Variants in HLA-DRB5 observed in about 807,000 individuals in gnomAD.
The protein encoded by HLA-DRB5 is DR beta-5.
A neutral mutation model predicts 22.4 loss-of-function variants in HLA-DRB5; 11 were observed. The observed-to-expected ratio is 0.49, with a 90% CI of 0.31 to 0.81. The LOEUF (loss-of-function observed/expected upper bound fraction) is 0.81, where lower values mean the gene tolerates loss of function less well. Among genes scored for constraint, HLA-DRB5 ranks in the 40% least tolerant of loss-of-function variants. HLA-DRB5 has a pLI of 0.05. For missense variants in HLA-DRB5, 106 were observed against 274.4 expected (o/e 0.39, Z 4.34); for synonymous variants, 57 against 106.0 (o/e 0.54, Z 2.84).
chr6:32,524,518 G>T (rs181695473), intron 1 of HLA-DRB5, among the ~76,000 whole-genome samples: 1,592 of 85,164 alleles, frequency 0.019, 16 homozygotes, highest in South Asian at 0.037. Flanking sequence ...AGTCCCCTCA[G>T]AAAGTCAGAA....
intron 3 of HLA-DRB5, among the ~76,000 whole-genome samples, chr6:32,519,013 A>G (rs113548739): frequency 0.062 from 4,455 of 72,380 alleles, no homozygotes; most frequent in Non-Finnish European, 0.074. Flanking sequence ...AGGCCCCTAC[A>G]CTTCTCCTCT....
At chr6:32,519,966 C>T (rs73726163) in intron 2 of HLA-DRB5, among the ~76,000 whole-genome samples, 19,526 of 42,728 alleles carry the variant, frequency 0.46, 7,180 homozygotes, top group Middle Eastern at 0.7. Context: ...GGTTGCCTGG[C>T]TCAAATCCAA....
chr6:32,528,960 C>G (rs111627320), intron 1 of HLA-DRB5, among the ~76,000 whole-genome samples: 15,152 of 119,938 alleles, frequency 0.13, 831 homozygotes, highest in East Asian at 0.18. Context: ...AAAAAATTAT[C>G]TCTTTCAATG....
At chr6:32,529,192 G>GAACAA (rs1770016253) in intron 1 of HLA-DRB5, among the ~76,000 whole-genome samples, 1 of 124,766 alleles carries the variant, frequency 8.0e-6, no homozygotes, top group African/African-American at 2.9e-5. Context: ...CCTATGAGAT[G>GAACAA]TGAACAATGT....
chr6:32,522,311 C>T (rs1451331332), intron 1 of HLA-DRB5, 137 bp from the exon 2 acceptor site: 535 of 200,206 alleles, frequency 2.7e-3, no homozygotes, highest in South Asian at 6.0e-3. Flanking sequence ...CCCGACCACG[C>T]GCAGCCCAGA....
chr6:32,522,970 T>A (rs796490773), intron 1 of HLA-DRB5, among the ~76,000 whole-genome samples: 9,786 of 115,600 alleles, frequency 0.085, 137 homozygotes, highest in East Asian at 0.12. Context: ...GATGAACTTC[T>A]TCAAGAAACT....
chr6:32,526,517 C>CTT (rs369892846), intron 1 of HLA-DRB5, among the ~76,000 whole-genome samples: 4 of 25,140 alleles, frequency 1.6e-4, no homozygotes, highest in Admixed American at 6.0e-4. Context: ...CCATGAGTCT[C>CTT]TTTTTTTTTT....
chr6:32,521,801 C>CCTCTCTCT (rs374866057), intron 2 of HLA-DRB5, 104 bp downstream of exon 2: 37 of 175,902 alleles, frequency 2.1e-4, no homozygotes, highest in African/African-American at 1.8e-3. Context: ...TCTCTCTCTT[C>CCTCTCTCT]CTCTCTCTCT....
intron 1 of HLA-DRB5, among the ~76,000 whole-genome samples, chr6:32,529,630 T>C (rs1445201193): frequency 5.1e-5 from 6 of 117,344 alleles, no homozygotes; most frequent in Admixed American, 1.7e-4. Flanking sequence ...AGAAAGGAGG[T>C]AATGGGGAGG....
rs1428068319 is a variant in HLA-DRB5 at position 32,522,567 on chromosome 6, C to T, written c.101-393G>A. Among the ~76,000 whole-genome samples the T allele has an allele frequency of 5.3e-5, 2 of 37,710 alleles. 1 individual carries two copies. Among genetic ancestry groups the T allele is most frequent in the Non-Finnish European group, 1.1e-4 (2 of 17,952 alleles). The allele number at this position is 37,710 out of a possible 152,430, so 24.7% of individuals were successfully genotyped here. Reference sequence around the variant, plus strand: ...ACAGGCTTTACCCGTTCCCTAACTCCCACCGCGTTCATCCTGTGAACACTC... The same window carrying T: ...ACAGGCTTTACCCGTTCCCTAACTCTCACCGCGTTCATCCTGTGAACACTC... On this transcript the variant is annotated intron_variant, in intron 1 of 5. Transcript: ENST00000374975.
chr6:32,522,911 G>C (rs1200869698), intron 1 of HLA-DRB5, among the ~76,000 whole-genome samples: 974 of 26,666 alleles, frequency 0.037, 388 homozygotes, highest in Middle Eastern at 0.083. Flanking sequence ...GGCAAAACGG[G>C]GGAAGCACAT....
intron 3 of HLA-DRB5, among the ~76,000 whole-genome samples, 174 bp downstream of exon 3, chr6:32,519,195 GA>G (rs200881163): frequency 0.031 from 1,835 of 59,506 alleles, 24 homozygotes; most frequent in Middle Eastern, 0.065. Context: ...TTCCCCAGAG[GA>G]TACAGGTGTT....
chr6:32,529,654 T>C (rs73727916), intron 1 of HLA-DRB5, among the ~76,000 whole-genome samples: 13,752 of 73,856 alleles, frequency 0.19, 1,254 homozygotes, highest in Middle Eastern at 0.33. Flanking sequence ...CTGGGTCCAT[T>C]CTCACATATG....
intron 1 of HLA-DRB5, among the ~76,000 whole-genome samples, chr6:32,526,150 A>AGGATCCAATCCAGTT (rs1769602734): frequency 2.0e-5 from 2 of 98,896 alleles, no homozygotes; most frequent in Non-Finnish European, 2.0e-5. Context: ...CGCTCTTCAA[A>AGGATCCAATCCAGTT]TGGTCCAATC....
rs78412103 is a variant in HLA-DRB5, at chr6:32,521,918, T to C, written c.357A>G (p.Thr119=). 51,080 of 1,507,116 alleles carry C rather than the reference T, an allele frequency of 0.034. 5,119 individuals carry two copies. Among genetic ancestry groups the C allele is most frequent in the Admixed American group, 0.13 (7,149 of 53,810 alleles). The allele number at this position is 1,507,116 out of a possible 1,614,324, so 93.4% of individuals were successfully genotyped here. Residue 119 remains threonine, a synonymous_variant, in exon 2 of 6, where the codon ACA becomes ACG. Coordinates refer to ENST00000374975, the MANE Select transcript of HLA-DRB5 (RefSeq NM_002125.4). ...RHNYGVGESF[T]VQRRVEPKVT... is the part of the protein sequence containing the mutation. ...CACCATGCTCACCTCGCCGCTGCAC[T>C]GTGAAGCTCTCACCAACCCCGTAGT... is the stretch of plus-strand genomic sequence containing the variant.
chr6:32,528,189 G>A (rs112651494), intron 1 of HLA-DRB5, among the ~76,000 whole-genome samples: 41,158 of 66,414 alleles, frequency 0.62, 17,792 homozygotes, highest in Middle Eastern at 0.78. Context: ...GGGCTCTCTA[G>A]ACATATGAAC....
chr6:32,527,099 C>CCAGG (rs1230365501), intron 1 of HLA-DRB5, among the ~76,000 whole-genome samples: 771 of 15,094 alleles, frequency 0.051, 37 homozygotes, highest in Middle Eastern at 0.18. Context: ...CTAGTGAACT[C>CCAGG]AAGCCTATTT....
rs796596701 is a variant in HLA-DRB5 at position 32,528,005 on chromosome 6, C to T, written c.100+2120G>A. ...CTGCATCCTACCTCATCTTCTGCCA[C>T]TGCATTTCCTTGCTTGCTCACTTCA... On this transcript the variant is annotated intron_variant, in intron 1 of 5. Transcript: ENST00000374975. Among the ~76,000 whole-genome samples, 161 of 30,968 alleles carry T rather than the reference C, an allele frequency of 5.2e-3. 23 individuals are homozygous for T. The highest frequency in any genetic ancestry group is 8.6e-3 in the South Asian group (12 of 1,400). 20.3% of individuals were successfully genotyped at this position (30,968 alleles called of 152,430 possible).
Position 32,518,034 on chromosome 6 carries a change from A to G in HLA-DRB5, c.787+20T>C, listed in dbSNP as rs761508199. 4.5e-6 allele frequency: 2 copies of G among 440,250 alleles called. 1 individual carries two copies. The highest frequency in any genetic ancestry group is 6.3e-6 in the Non-Finnish European group (2 of 315,378). 27.3% of individuals were successfully genotyped at this position (440,250 alleles called of 1,614,324 possible). On this transcript the variant is annotated intron_variant, in intron 5 of 5. Coordinates refer to ENST00000374975, the MANE Select transcript of HLA-DRB5 (RefSeq NM_002125.4). ...TAGGAAAACTGAATCTGTTTCTAAAAGAGGATTAAAAGGTATTACCTGTTG... is the reference window on the plus strand; with the variant it reads ...TAGGAAAACTGAATCTGTTTCTAAAGGAGGATTAAAAGGTATTACCTGTTG...
Sources: allele counts gnomAD v4.1 joint callset (sites outside exome capture counted in the v4.1 genomes callset), GRCh38; gene constraint gnomAD v4.1.1; transcripts MANE v1.5; gene names NCBI Gene and HGNC (gene_info 2026-07-23, HGNC 2026-07-21).